The following TRPM3 variants were observed in gnomAD, a reference collection of about 807,000 sequenced individuals.
The protein encoded by TRPM3 is transient receptor potential cation channel subfamily M member 3.
TRPM3 carries 77 observed loss-of-function variants against 181.2 expected under a neutral mutation model. The ratio of observed to expected loss-of-function variants is 0.42; its 90% CI spans 0.35 to 0.51. TRPM3 has a LOEUF of 0.51. TRPM3 is among the 20% of genes least tolerant of loss of function. TRPM3 has a pLI of 0.01. For missense variants in TRPM3, 1,759 were observed against 2,196.7 expected (o/e 0.80, Z 3.98); for synonymous variants, 745 against 796.4 (o/e 0.94, Z 1.09).
At chr9:70,751,638 AAT>A (rs2076146284) in intron 8 of TRPM3, among the ~76,000 whole-genome samples, 1 of 152,182 alleles carries the variant, frequency 6.6e-6, no homozygotes, top group Non-Finnish European at 1.5e-5. Flanking sequence ...AGAAAAGTAC[AAT>A]GTCATTGAAA....
intron 1 of TRPM3, among the ~76,000 whole-genome samples, chr9:71,243,991 A>G (rs2081884924): frequency 6.6e-6 from 1 of 152,090 alleles, no homozygotes; most frequent in African/African-American, 2.4e-5. Context: ...CAGGCTGTGA[A>G]CCTCCAGTTC....
intron 8 of TRPM3, among the ~76,000 whole-genome samples, chr9:70,686,724 T>C (rs1246628793): frequency 2.3e-5 from 3 of 131,720 alleles, no homozygotes; most frequent in Non-Finnish European, 3.3e-5. Context: ...CTTCCTTCCT[T>C]CCTTCCTTCC....
chr9:70,995,928 T>C (rs2097537611), intron 1 of TRPM3, among the ~76,000 whole-genome samples: 1 of 152,224 alleles, frequency 6.6e-6, no homozygotes, highest in Non-Finnish European at 1.5e-5. Flanking sequence ...CTTTTCCCTC[T>C]ATAATTCCCT....
At chr9:71,350,632 A>G (rs1008482610) in intron 1 of TRPM3, among the ~76,000 whole-genome samples, 1 of 152,242 alleles carries the variant, frequency 6.6e-6, no homozygotes, top group Non-Finnish European at 1.5e-5. Flanking sequence ...GTTGTCAAAT[A>G]TAATTGACCA....
At chr9:71,026,878 C>G (rs1414947649) in intron 1 of TRPM3, among the ~76,000 whole-genome samples, 2 of 152,148 alleles carry the variant, frequency 1.3e-5, no homozygotes, top group African/African-American at 4.8e-5. Context: ...GGGACCCTGG[C>G]CCCCCAAGTT....
intron 1 of TRPM3, among the ~76,000 whole-genome samples, chr9:70,877,804 A>AACAC (rs5898169): frequency 6.8e-4 from 99 of 146,212 alleles, no homozygotes; most frequent in African/African-American, 1.0e-3. Flanking sequence ...AAAATCATAA[A>AACAC]ACACACACAC....
At chr9:70,963,599 G>A (rs2097158466) in intron 1 of TRPM3, among the ~76,000 whole-genome samples, 1 of 152,030 alleles carries the variant, frequency 6.6e-6, no homozygotes, top group Admixed American at 6.6e-5. Context: ...TTGATATTTT[G>A]TGCGCTTTTT....
chr9:71,095,974 T>C (rs748321713), intron 1 of TRPM3, among the ~76,000 whole-genome samples: 13 of 152,252 alleles, frequency 8.5e-5, no homozygotes, highest in Admixed American at 1.3e-4. Context: ...CATAGGTCAA[T>C]TGTAAAAATC....
At chr9:70,863,138 C>A (rs751660476) in intron 2 of TRPM3, 26 bp from the exon 3 acceptor site, 5 of 1,599,936 alleles carry the variant, frequency 3.1e-6, no homozygotes, top group East Asian at 4.5e-5. Context: ...TTAAAGTGAA[C>A]CCCTGGTATT....
rs571588784 is a variant in TRPM3, at chr9:70,619,559, G to C, written c.2130-464C>G. Among the ~76,000 whole-genome samples the C allele has an allele frequency of 6.6e-5, 10 of 151,618 alleles. No individual in the cohort carries two copies. The South Asian group carries it at 2.1e-3, about 32-fold the overall frequency. On this transcript the variant is annotated intron_variant, in intron 16 of 25. Coordinates refer to ENST00000677713, the MANE Select transcript of TRPM3 (RefSeq NM_001366145.2). ...TTCCTGAGCAGCTAGGACTACAGGC[G>C]TGCACCATCACACCCAGCTAATTTT...
At position 70,646,160 on chromosome 9, in the gene TRPM3, G is replaced by A. The variant is rs1013599240; in HGVS notation, c.1346-5500C>T. 2.0e-5 allele frequency among the ~76,000 whole-genome samples: 3 copies of A among 152,214 alleles called. No individual in the cohort carries two copies. The South Asian group carries it at 6.2e-4, about 31-fold the overall frequency. Reference sequence around the variant, plus strand: ...ATTAGTTCAACCATTGTGGAAGACAGTGTGGCGATTCCTCAAGGATCTAGA... The same window carrying A: ...ATTAGTTCAACCATTGTGGAAGACAATGTGGCGATTCCTCAAGGATCTAGA... On this transcript the variant is annotated intron_variant, in intron 9 of 25. Transcript: ENST00000677713.
chr9:70,863,281 A>G (rs762168436), intron 2 of TRPM3, among the ~76,000 whole-genome samples, 169 bp from the exon 3 acceptor site: 21 of 152,244 alleles, frequency 1.4e-4, no homozygotes, highest in Non-Finnish European at 1.5e-4. Flanking sequence ...CAGGCTTTCC[A>G]TGATATACAT....
chr9:71,131,651 T>C (rs1168186612), intron 1 of TRPM3, among the ~76,000 whole-genome samples: 1 of 152,206 alleles, frequency 6.6e-6, no homozygotes, highest in African/African-American at 2.4e-5. Flanking sequence ...GAACACATAC[T>C]GACTCTACAG....
At chr9:70,668,435 C>T (rs7037563) in intron 9 of TRPM3, among the ~76,000 whole-genome samples, 2,283 of 152,088 alleles carry the variant, frequency 0.015, 66 homozygotes, top group African/African-American at 0.05. Context: ...GAGGCCGAGG[C>T]GGGCGGATCA....
At chr9:70,995,805 T>G (rs1285745396) in intron 1 of TRPM3, among the ~76,000 whole-genome samples, 1 of 152,136 alleles carries the variant, frequency 6.6e-6, no homozygotes, top group African/African-American at 2.4e-5. Context: ...GTCTGACCCA[T>G]ACATACAGAG....
intron 9 of TRPM3, among the ~76,000 whole-genome samples, chr9:70,648,757 T>G (rs1271027509): frequency 1.3e-5 from 2 of 152,178 alleles, no homozygotes; most frequent in East Asian, 3.8e-4. Flanking sequence ...GACTCTCTAT[T>G]CAGTAAATGG....
chr9:70,770,728 T>C (rs1229909505), intron 7 of TRPM3, among the ~76,000 whole-genome samples: 1 of 152,184 alleles, frequency 6.6e-6, no homozygotes, highest in Non-Finnish European at 1.5e-5. Context: ...GTTGATGTAT[T>C]TGGGAAAAAA....
chr9:71,442,673 G>A (rs2094150412), intron 1 of TRPM3, among the ~76,000 whole-genome samples: 1 of 152,164 alleles, frequency 6.6e-6, no homozygotes, highest in African/African-American at 2.4e-5. Context: ...ATACTTAATT[G>A]AAATCTAAAT....
At chr9:71,112,607 C>G (rs909438679) in intron 1 of TRPM3, among the ~76,000 whole-genome samples, 7 of 152,062 alleles carry the variant, frequency 4.6e-5, no homozygotes, top group Non-Finnish European at 7.4e-5. Flanking sequence ...CAATATTTAC[C>G]TATTCAGATA....
Sources: allele counts gnomAD v4.1 joint callset (sites outside exome capture counted in the v4.1 genomes callset), GRCh38; gene constraint gnomAD v4.1.1; transcripts MANE v1.5; gene names NCBI Gene and HGNC (gene_info 2026-07-23, HGNC 2026-07-21).